Variants in MARCHF1 observed in about 807,000 individuals in gnomAD.
MARCHF1 encodes the protein E3 ubiquitin-protein ligase MARCHF1.
Under a neutral mutation model 54.2 loss-of-function variants are expected in MARCHF1, and 40 were observed. The observed-to-expected ratio is 0.74, with a 90% confidence interval of 0.57 to 0.96. The LOEUF is 0.96. Ranked by LOEUF, MARCHF1 falls within the 40% of genes least tolerant of loss-of-function variation. The pLI is 0.00. For synonymous variants in MARCHF1, 236 were observed against 236.3 expected (o/e 1.00, Z 0.01); for missense variants, 586 against 656.5 (o/e 0.89, Z 1.17).
rs1738230319 is a variant in MARCHF1 at position 163,528,658 on chromosome 4, G to A, written c.*90C>T. 3.8e-6 allele frequency: 5 copies of A among 1,305,202 alleles called. No homozygotes were observed. Among genetic ancestry groups the A allele is most frequent in the Non-Finnish European group, 3.2e-6 (3 of 944,454 alleles). The allele number at this position is 1,305,202 out of a possible 1,614,324, so 80.9% of individuals were successfully genotyped here. A position where few individuals can be genotyped will look rare whatever the true frequency, so the allele number is the denominator to read the frequency against. Reference sequence around the variant, plus strand: ...CAGTAGGAGAAAGGAGGAGCTGAAGGGAGTAAATAATTCAAGATCACTTCT... The same window carrying A: ...CAGTAGGAGAAAGGAGGAGCTGAAGAGAGTAAATAATTCAAGATCACTTCT... On this transcript the variant is annotated 3_prime_UTR_variant, in exon 10 of 10. Transcript: ENST00000514618.
chr4:163,752,700 A>G (rs1046891195), intron 4 of MARCHF1, among the ~76,000 whole-genome samples: 2 of 152,200 alleles, frequency 1.3e-5, no homozygotes, highest in African/African-American at 4.8e-5. Context: ...AATTGGCAAA[A>G]TAGTCTAAAT....
intron 1 of MARCHF1, among the ~76,000 whole-genome samples, chr4:164,217,938 C>CA (rs1462957792): frequency 1.1e-4 from 16 of 151,912 alleles, no homozygotes; most frequent in South Asian, 8.3e-4. Flanking sequence ...CAAACAATTT[C>CA]AAAAAAAGAT....
At chr4:163,529,095 A>C (rs1738252799) in intron 9 of MARCHF1, 49 bp from the exon 10 acceptor site, 1 of 1,450,664 alleles carries the variant, frequency 6.9e-7, no homozygotes, top group South Asian at 1.3e-5. Context: ...TCCTCAGTGG[A>C]TTTGGTCATT....
chr4:163,838,753 C>G (rs1175128884), intron 4 of MARCHF1, among the ~76,000 whole-genome samples: 1 of 151,980 alleles, frequency 6.6e-6, no homozygotes, highest in Non-Finnish European at 1.5e-5. Flanking sequence ...ACAATTAATT[C>G]AAAGTGTATC....
chr4:163,625,018 T>C (rs1337974002), intron 5 of MARCHF1, among the ~76,000 whole-genome samples: 1 of 152,246 alleles, frequency 6.6e-6, no homozygotes, highest in Non-Finnish European at 1.5e-5. Flanking sequence ...TTTGGGATTT[T>C]AGAGCCCTAT....
At chr4:164,244,426 C>G (rs1313941965) in intron 1 of MARCHF1, among the ~76,000 whole-genome samples, 1 of 151,202 alleles carries the variant, frequency 6.6e-6, no homozygotes, top group African/African-American at 2.4e-5. Context: ...AAAGACACAA[C>G]ATACCAGAAT....
At chr4:163,795,884 T>C (rs1747900085) in intron 4 of MARCHF1, among the ~76,000 whole-genome samples, 1 of 152,156 alleles carries the variant, frequency 6.6e-6, no homozygotes, top group Admixed American at 6.6e-5. Flanking sequence ...TAAGACATAT[T>C]TTGCACATTA....
chr4:164,116,737 G>A (rs1376059597), intron 1 of MARCHF1, among the ~76,000 whole-genome samples: 5 of 151,990 alleles, frequency 3.3e-5, no homozygotes, highest in Non-Finnish European at 7.4e-5. Flanking sequence ...AGACAACACT[G>A]TTGTAGAGAA....
At chr4:164,095,774 A>C (rs1347691262) in intron 2 of MARCHF1, among the ~76,000 whole-genome samples, 1 of 152,142 alleles carries the variant, frequency 6.6e-6, no homozygotes, top group Admixed American at 6.6e-5. Flanking sequence ...ATGAACAGAC[A>C]CTTGTCAAAA....
chr4:164,129,971 A>G (rs1248445871), intron 1 of MARCHF1: 2 of 152,164 alleles, frequency 1.3e-5, no homozygotes, highest in Non-Finnish European at 2.9e-5. Context: ...AAATTGTCCT[A>G]AACAATCACA....
intron 5 of MARCHF1, among the ~76,000 whole-genome samples, chr4:163,622,886 T>C (rs901874378): frequency 6.6e-6 from 1 of 152,090 alleles, no homozygotes; most frequent in Non-Finnish European, 1.5e-5. Context: ...GCAGGTCAAA[T>C]AGCAAAGATG....
rs998454545 is a variant in MARCHF1, at chr4:163,734,422, A to T, written c.112-33559T>A. On this transcript the variant is annotated intron_variant, in intron 4 of 9. Coordinates refer to ENST00000514618, the MANE Select transcript of MARCHF1 (RefSeq NM_001394959.1). ...CTAACAGCAAAATACTGGGGAAAAA[A>T]ACTAAATACCGGTGAAATTTCTATA... Among the ~76,000 whole-genome samples the T allele has an allele frequency of 2.0e-5, 3 of 152,136 alleles. 1 individual carries two copies. In the South Asian group the frequency reaches 6.2e-4, roughly 32 times the overall value.
intron 2 of MARCHF1, among the ~76,000 whole-genome samples, chr4:164,031,637 T>A (rs1753880190): frequency 6.6e-6 from 1 of 152,150 alleles, no homozygotes; most frequent in Non-Finnish European, 1.5e-5. Flanking sequence ...TTATGTCTAT[T>A]TATTTGCTTA....
At chr4:163,986,842 A>G (rs1344421639) in intron 3 of MARCHF1, among the ~76,000 whole-genome samples, 1 of 152,236 alleles carries the variant, frequency 6.6e-6, no homozygotes, top group African/African-American at 2.4e-5. Context: ...CAGGCCAAGT[A>G]GACATCTACA....
Position 164,293,479 on chromosome 4 carries a change from C to T in MARCHF1, c.-323+90391G>A, listed in dbSNP as rs181853704. On this transcript the variant is annotated intron_variant, in intron 1 of 9. Coordinates refer to ENST00000514618, the MANE Select transcript of MARCHF1 (RefSeq NM_001394959.1). Reference sequence around the variant, plus strand: ...TCCCCATGTTGCTGGATAAAACTTTCGAAAGCTCTCCTGGCTCGGAGTACA... The same window carrying T: ...TCCCCATGTTGCTGGATAAAACTTTTGAAAGCTCTCCTGGCTCGGAGTACA... 1.3e-3 allele frequency among the ~76,000 whole-genome samples: 202 copies of T among 152,308 alleles called. 2 individuals are homozygous for T. Among genetic ancestry groups the T allele is most frequent in the African/African-American group, 4.4e-3 (184 of 41,566 alleles).
intron 1 of MARCHF1, chr4:164,197,623 T>G: frequency 6.2e-7 from 1 of 1,613,062 alleles, no homozygotes. Flanking sequence ...TTTGCCTTCA[T>G]TCGACCGACT....
intron 1 of MARCHF1, among the ~76,000 whole-genome samples, chr4:164,342,536 TAAA>T (rs59977887): frequency 0.1 from 15,438 of 148,424 alleles, 1,345 homozygotes; most frequent in East Asian, 0.29. Flanking sequence ...ATAATAATAA[TAAA>T]AAAATATTTA....
intron 3 of MARCHF1, chr4:163,933,160 A>T (rs1179653610): frequency 3.6e-6 from 3 of 829,456 alleles, no homozygotes; most frequent in Non-Finnish European, 5.9e-6. Context: ...AAAAGACAGC[A>T]CCCTCATTAT....
At chr4:164,245,370 G>T (rs1006211599) in intron 1 of MARCHF1, among the ~76,000 whole-genome samples, 3 of 152,198 alleles carry the variant, frequency 2.0e-5, no homozygotes, top group Non-Finnish European at 4.4e-5. Flanking sequence ...CTCAATAGAT[G>T]CAGAAAAGGC....
Sources: gnomAD v4.1 joint callset for allele counts (sites outside exome capture counted in the v4.1 genomes callset) on GRCh38, gnomAD v4.1.1 for gene constraint, MANE v1.5 for transcripts, NCBI Gene and HGNC (gene_info 2026-07-23, HGNC 2026-07-21) for gene names.